The following KDM4C variants were observed in gnomAD, a reference collection of about 807,000 sequenced individuals.
KDM4C encodes the protein lysine demethylase 4C.
In KDM4C, 81 loss-of-function variants were observed where a neutral mutation model predicts 129.3. The observed-to-expected ratio is 0.63, with a 90% CI of 0.52 to 0.75. KDM4C has a LOEUF of 0.75. Ranked by LOEUF, KDM4C falls within the 30% of genes least tolerant of loss-of-function variation. The probability of loss-of-function intolerance (pLI) is 0.00; values close to 1 mark genes in which losing one functional copy is unlikely to be tolerated. For synonymous variants in KDM4C, 573 were observed against 456.1 expected (o/e 1.26, Z -3.26); for missense variants, 1,457 against 1,304.0 (o/e 1.12, Z -1.81).
At chr9:6,870,679 C>T (rs908210551) in intron 5 of KDM4C, among the ~76,000 whole-genome samples, 33 of 151,898 alleles carry the variant, frequency 2.2e-4, no homozygotes, top group Middle Eastern at 3.4e-3. Flanking sequence ...GGAATGGGGC[C>T]GGGGGATCAT....
intron 15 of KDM4C, among the ~76,000 whole-genome samples, chr9:7,030,003 T>C (rs779109216): frequency 6.6e-6 from 1 of 152,260 alleles, no homozygotes; most frequent in Non-Finnish European, 1.5e-5. Context: ...TCAGGCAGGG[T>C]AAATACAGTA....
At position 6,896,472 on chromosome 9, in the gene KDM4C, A is replaced by AATAT. The variant is rs147956009; in HGVS notation, c.921+3254_921+3257dup. ...ATATATGTAATCACAAACACTATGAAATATATATATATATATAAAAATATA... is the reference window on the plus strand; with the variant it reads ...ATATATGTAATCACAAACACTATGAAATATATATATATATATATATAAAAATATA... On this transcript the variant is annotated intron_variant, in intron 8 of 21. Transcript: ENST00000381309. Among the ~76,000 whole-genome samples the AATAT allele has an allele frequency of 9.3e-3, 1,380 of 148,866 alleles. 24 individuals are homozygous for AATAT. Among genetic ancestry groups the AATAT allele is most frequent in the African/African-American group, 0.032 (1,298 of 40,412 alleles).
At chr9:6,979,307 A>C (rs1209785066) in intron 8 of KDM4C, among the ~76,000 whole-genome samples, 1 of 152,238 alleles carries the variant, frequency 6.6e-6, no homozygotes, top group Non-Finnish European at 1.5e-5. Flanking sequence ...TGGTGCAGAT[A>C]AATAGTATTA....
At chr9:7,089,918 T>A (rs1587573358) in intron 17 of KDM4C, among the ~76,000 whole-genome samples, 2 of 152,352 alleles carry the variant, frequency 1.3e-5, no homozygotes, top group East Asian at 3.9e-4. Flanking sequence ...TCAGCTGGGT[T>A]CCATTCCTAA....
chr9:7,128,168 C>T lies in KDM4C; in HGVS notation c.2713C>T (p.Gln905Ter). 6.2e-7 allele frequency: 1 copy of T among 1,613,010 alleles called. No homozygotes were observed. Among genetic ancestry groups the T allele is most frequent in the Non-Finnish European group, 8.5e-7 (1 of 1,179,576 alleles). ...YSCRVMAVTS[Q>*]TFYEVMFDDG... The stretch of plus-strand genomic sequence containing the variant: ...TTGCAGAGTGATGGCTGTGACATCG[C>T]AGACCTTCTATGAGGTCATGTTTGA... Residue 905 changes from glutamine to a stop codon, truncating the protein, a stop_gained, in exon 19 of 22, where the codon CAG (glutamine) becomes TAG (stop). Coordinates refer to ENST00000381309, the MANE Select transcript of KDM4C (RefSeq NM_015061.6). LOFTEE classifies it high-confidence loss of function.
intron 1 of KDM4C, among the ~76,000 whole-genome samples, chr9:6,790,600 T>C (rs1253812247): frequency 6.9e-6 from 1 of 144,300 alleles, no homozygotes; most frequent in African/African-American, 2.6e-5. Flanking sequence ...GTTTCACCCT[T>C]TTATCTGCCC....
intron 12 of KDM4C, among the ~76,000 whole-genome samples, chr9:6,996,287 A>G (rs1447618051): frequency 6.6e-6 from 1 of 152,232 alleles, no homozygotes; most frequent in African/African-American, 2.4e-5. Flanking sequence ...ACGTTGGGCT[A>G]ATAATCATCC....
chr9:6,835,245 C>T, intron 4 of KDM4C: 2 of 908,282 alleles, frequency 2.2e-6, no homozygotes, highest in Non-Finnish European at 3.7e-6. Flanking sequence ...TCCAGCTTTC[C>T]TTCCTGGGCA....
At chr9:6,966,158 T>C (rs1301741428) in intron 8 of KDM4C, among the ~76,000 whole-genome samples, 2 of 152,168 alleles carry the variant, frequency 1.3e-5, no homozygotes, top group Admixed American at 1.3e-4. Context: ...AGATTAAGAT[T>C]TGGAACAAAG....
intron 19 of KDM4C, among the ~76,000 whole-genome samples, chr9:7,146,470 C>A (rs1241024004): frequency 6.6e-6 from 1 of 152,152 alleles, no homozygotes; most frequent in East Asian, 1.9e-4. Flanking sequence ...GCTCTTGTGG[C>A]ATCTTGAAGC....
chr9:7,162,327 TAGAG>T (rs1380542005), intron 19 of KDM4C, among the ~76,000 whole-genome samples: 1 of 152,314 alleles, frequency 6.6e-6, no homozygotes, highest in African/African-American at 2.4e-5. Context: ...TTGTGGCTGA[TAGAG>T]AGCAACATTA....
rs1292635765 is a variant in KDM4C, at chr9:7,135,007, A to G, written c.2781+6771A>G. 2.0e-5 allele frequency among the ~76,000 whole-genome samples: 3 copies of G among 152,196 alleles called. No individual in the cohort carries two copies. In the East Asian group the frequency reaches 5.8e-4, roughly 29 times the overall value. On this transcript the variant is annotated intron_variant, in intron 19 of 21. Coordinates refer to ENST00000381309, the MANE Select transcript of KDM4C (RefSeq NM_015061.6). ...TTTTATTTCCTTTTGTGTAACTCATATGACTTTTTACATTACAGCCTTGGA... is the reference window on the plus strand; with the variant it reads ...TTTTATTTCCTTTTGTGTAACTCATGTGACTTTTTACATTACAGCCTTGGA...
intron 15 of KDM4C, among the ~76,000 whole-genome samples, chr9:7,017,539 A>G (rs747985723): frequency 1.3e-5 from 2 of 152,158 alleles, no homozygotes; most frequent in Non-Finnish European, 2.9e-5. Context: ...TTTGTTTTCC[A>G]TTCTAACAAT....
In KDM4C at chr9:7,110,405, G is replaced by A. The variant is rs551240813; in HGVS notation, c.2610+6535G>A. 2.6e-5 allele frequency among the ~76,000 whole-genome samples: 4 copies of A among 152,168 alleles called. No homozygotes were observed. In the East Asian group the frequency reaches 7.7e-4, roughly 29 times the overall value. Reference sequence around the variant, plus strand: ...CATGTTGATATATCCAATTCTCCTGGCTTTAATAAATTTATTTTTATATTG... The same window carrying A: ...CATGTTGATATATCCAATTCTCCTGACTTTAATAAATTTATTTTTATATTG... On this transcript the variant is annotated intron_variant, in intron 18 of 21. Coordinates refer to ENST00000381309, the MANE Select transcript of KDM4C (RefSeq NM_015061.6).
chr9:6,755,550 AAAAC>A (rs1818218731), upstream of KDM4C, among the ~76,000 whole-genome samples: 1 of 152,222 alleles, frequency 6.6e-6, no homozygotes, highest in South Asian at 2.1e-4. Flanking sequence ...TCTGTCTCAA[AAAAC>A]AAACAAATAA....
intron 18 of KDM4C, among the ~76,000 whole-genome samples, chr9:7,127,528 C>A (rs1376883458): frequency 6.6e-6 from 1 of 152,102 alleles, no homozygotes; most frequent in Non-Finnish European, 1.5e-5. Context: ...CAAAGTAGCA[C>A]TACCATAAAC....
chr9:6,774,218 T>C (rs1458798038), intron 1 of KDM4C, among the ~76,000 whole-genome samples: 1 of 151,972 alleles, frequency 6.6e-6, no homozygotes, highest in African/African-American at 2.4e-5. Flanking sequence ...TGTAACAAAA[T>C]ACAATGAAAA....
chr9:6,910,048 T>C (rs1819004043), intron 8 of KDM4C, among the ~76,000 whole-genome samples: 1 of 152,188 alleles, frequency 6.6e-6, no homozygotes, highest in Non-Finnish European at 1.5e-5. Context: ...AAGGAAAATA[T>C]GGTAAAATTG....
At chr9:7,086,090 G>A (rs1339472061) in intron 17 of KDM4C, among the ~76,000 whole-genome samples, 2 of 152,250 alleles carry the variant, frequency 1.3e-5, no homozygotes, top group South Asian at 2.1e-4. Flanking sequence ...CCCAGGAGGC[G>A]GAGGTTGCAG....
Sources: allele counts gnomAD v4.1 joint callset (sites outside exome capture counted in the v4.1 genomes callset), GRCh38; gene constraint gnomAD v4.1.1; transcripts MANE v1.5; gene names NCBI Gene and HGNC (gene_info 2026-07-23, HGNC 2026-07-21).